ATP8A2: variants seen among roughly 807,000 people sequenced by gnomAD.
ATP8A2 encodes ATPase phospholipid transporting 8A2.
A neutral mutation model predicts 165.6 loss-of-function variants in ATP8A2; 100 were observed. That is an observed-to-expected ratio of 0.60 (90% CI 0.51 to 0.71). The LOEUF (loss-of-function observed/expected upper bound fraction) is 0.71. Ranked by LOEUF, ATP8A2 falls within the 30% of genes least tolerant of loss-of-function variation. The pLI is 0.00. For synonymous variants in ATP8A2, 543 were observed against 548.8 expected (o/e 0.99, Z 0.15); for missense variants, 1,227 against 1,479.5 (o/e 0.83, Z 2.80).
intron 35 of ATP8A2, among the ~76,000 whole-genome samples, chr13:25,982,095 G>A (rs1956180238): frequency 6.6e-6 from 1 of 152,190 alleles, no homozygotes; most frequent in South Asian, 2.1e-4. Context: ...TTTCTAGAAT[G>A]ATGGTGGTTT....
intron 32 of ATP8A2, among the ~76,000 whole-genome samples, chr13:25,861,982 G>T (rs935258410): frequency 6.6e-6 from 1 of 152,140 alleles, no homozygotes; most frequent in Admixed American, 6.5e-5. Flanking sequence ...GTATACAGCC[G>T]CAGGTTGGAG....
intron 27 of ATP8A2, among the ~76,000 whole-genome samples, chr13:25,823,943 C>T (rs1951243549): frequency 1.3e-5 from 2 of 152,104 alleles, no homozygotes; most frequent in African/African-American, 2.4e-5. Context: ...TCAAGCTTTA[C>T]TACCTATCTC....
At chr13:25,782,542 T>A (rs188399020) in intron 27 of ATP8A2, among the ~76,000 whole-genome samples, 1 of 152,182 alleles carries the variant, frequency 6.6e-6, no homozygotes, top group African/African-American at 2.4e-5. Context: ...CACAGGGTAC[T>A]GGTTCCAGGA....
At chr13:25,848,776 G>T (rs9511936) in intron 30 of ATP8A2, among the ~76,000 whole-genome samples, 17,900 of 151,990 alleles carry the variant, frequency 0.12, 1,436 homozygotes, top group Non-Finnish European at 0.18. Flanking sequence ...ACTTTTTACG[G>T]GGAGGAAAAA....
At chr13:25,559,834 C>G in intron 15 of ATP8A2, 69 bp downstream of exon 15, 19 of 1,211,578 alleles carry the variant, frequency 1.6e-5, no homozygotes, top group Non-Finnish European at 2.2e-5. Flanking sequence ...TATTATTATT[C>G]ATTTACATTT....
chr13:25,795,576 T>G (rs1031627021), intron 27 of ATP8A2, among the ~76,000 whole-genome samples: 6 of 152,232 alleles, frequency 3.9e-5, no homozygotes, highest in Admixed American at 2.0e-4. Context: ...GAGTTGCTAT[T>G]TCATGTGTCA....
intron 2 of ATP8A2, among the ~76,000 whole-genome samples, chr13:25,494,365 G>A (rs557429935): frequency 1.3e-5 from 2 of 152,262 alleles, no homozygotes; most frequent in South Asian, 4.1e-4. Context: ...TAGTTGGAGG[G>A]ATCGCTTTGA....
chr13:25,513,097 C>T (rs1172296133), intron 2 of ATP8A2, among the ~76,000 whole-genome samples: 22 of 151,666 alleles, frequency 1.5e-4, no homozygotes, highest in African/African-American at 1.9e-4. Flanking sequence ...GGCTGCCAGG[C>T]GGAGACGCTC....
chr13:25,962,126 G>A (rs1955674201), intron 34 of ATP8A2, among the ~76,000 whole-genome samples: 1 of 152,188 alleles, frequency 6.6e-6, no homozygotes, highest in Non-Finnish European at 1.5e-5. Context: ...TAAAGGCAGA[G>A]TTTCTGAGTA....
intron 35 of ATP8A2, among the ~76,000 whole-genome samples, chr13:25,985,447 A>G (rs1593672301): frequency 6.6e-6 from 1 of 152,200 alleles, no homozygotes; most frequent in Non-Finnish European, 1.5e-5. Flanking sequence ...ATGTCAGTAG[A>G]AGATGCTTTC....
intron 30 of ATP8A2, among the ~76,000 whole-genome samples, chr13:25,842,496 AC>A (rs1229892517): frequency 9.9e-5 from 15 of 151,754 alleles, no homozygotes; most frequent in African/African-American, 3.4e-4. Context: ...ACATGGTAAA[AC>A]CCCGTCTCTA....
In ATP8A2 at chr13:25,961,653, G is replaced by A; in HGVS notation, c.3262G>A (p.Ala1088Thr). 1 of 1,613,038 alleles carries A rather than the reference G, an allele frequency of 6.2e-7. No individual in the cohort carries two copies. The highest frequency in any genetic ancestry group is 1.1e-5 in the South Asian group (1 of 91,060). ...VPTACLIEDV[A>T]WRAAKHTCKK... Reference sequence around the variant, plus strand: ...TACTGCCTGTTTGATTGAAGATGTGGCATGGAGAGCGTAAGTTTAACAGTG... The same window carrying A: ...TACTGCCTGTTTGATTGAAGATGTGACATGGAGAGCGTAAGTTTAACAGTG... The change falls in exon 34 of 37, where the codon GCA becomes ACA. Residue 1088 changes from alanine (A) to threonine (T), a missense_variant. Transcript: ENST00000381655.
At chr13:25,447,691 T>C (rs537546748) in intron 1 of ATP8A2, among the ~76,000 whole-genome samples, 1 of 152,134 alleles carries the variant, frequency 6.6e-6, no homozygotes, top group East Asian at 1.9e-4. Context: ...CAGTGGAGGG[T>C]CAGGGTGACA....
At chr13:25,668,706 C>T (rs1388139295) in intron 24 of ATP8A2, among the ~76,000 whole-genome samples, 2 of 152,032 alleles carry the variant, frequency 1.3e-5, no homozygotes, top group Non-Finnish European at 2.9e-5. Flanking sequence ...TAAGGCTCTG[C>T]TTATTTTTCT....
chr13:25,842,669 CAA>C (rs540366009), intron 30 of ATP8A2, among the ~76,000 whole-genome samples: 1 of 66,472 alleles, frequency 1.5e-5, no homozygotes. Flanking sequence ...AAAACTCTGT[CAA>C]AAAAAAAAAG....
intron 33 of ATP8A2, among the ~76,000 whole-genome samples, chr13:25,893,701 C>CGG: frequency 6.6e-6 from 1 of 152,344 alleles, no homozygotes; most frequent in African/African-American, 2.4e-5. Context: ...TCCACATCCT[C>CGG]TCCAGCACCT....
intron 24 of ATP8A2, among the ~76,000 whole-genome samples, chr13:25,608,217 G>T (rs1268655760): frequency 3.9e-5 from 6 of 152,228 alleles, no homozygotes; most frequent in Admixed American, 3.9e-4. Flanking sequence ...TAAGGTCAAA[G>T]AGGGAACAGG....
At position 25,461,705 on chromosome 13, in the gene ATP8A2, T is replaced by C. The variant is rs138095704; in HGVS notation, c.77-7272T>C. Reference sequence around the variant, plus strand: ...GCTAATAGAAATTTAAGTGATTATTTCCTTGAGATGGGAGTTGGGATATAA... The same window carrying C: ...GCTAATAGAAATTTAAGTGATTATTCCCTTGAGATGGGAGTTGGGATATAA... On this transcript the variant is annotated intron_variant, in intron 1 of 36. Transcript: ENST00000381655. Among the ~76,000 whole-genome samples the C allele has an allele frequency of 2.0e-3, 300 of 152,328 alleles. 1 individual carries two copies. Among genetic ancestry groups the C allele is most frequent in the African/African-American group, 7.0e-3 (291 of 41,564 alleles).
chr13:25,667,964 C>A (rs1387507411), intron 24 of ATP8A2, among the ~76,000 whole-genome samples: 1 of 151,934 alleles, frequency 6.6e-6, no homozygotes, highest in African/African-American at 2.4e-5. Context: ...CTCTGTTCCC[C>A]CTTTATGTTA....
Sources: allele counts gnomAD v4.1 joint callset (sites outside exome capture counted in the v4.1 genomes callset), GRCh38; gene constraint gnomAD v4.1.1; transcripts MANE v1.5; gene names NCBI Gene and HGNC (gene_info 2026-07-23, HGNC 2026-07-21).